Variants in CNTNAP4 observed in about 807,000 individuals in gnomAD.
CNTNAP4 encodes the protein contactin-associated protein-like 4.
CNTNAP4 carries 98 observed loss-of-function variants against 148.4 expected under a neutral mutation model. The ratio of observed to expected loss-of-function variants is 0.66; its 90% confidence interval spans 0.56 to 0.78. The LOEUF (loss-of-function observed/expected upper bound fraction) is 0.78. CNTNAP4 is among the 30% of genes least tolerant of loss of function. The pLI is 0.00. For missense variants in CNTNAP4, 1,935 were observed against 1,565.6 expected, an observed-to-expected ratio of 1.24 and a Z score of -3.98; for synonymous variants, 730 against 565.1, an observed-to-expected ratio of 1.29 and a Z score of -4.14.
intron 3 of CNTNAP4, among the ~76,000 whole-genome samples, chr16:76,374,076 G>A (rs1319069105): frequency 6.6e-6 from 1 of 152,062 alleles, no homozygotes; most frequent in East Asian, 1.9e-4. Flanking sequence ...TTCATTTTGG[G>A]TTGCTTCATG....
rs9935637 is a variant in CNTNAP4, at chr16:76,435,833, C to T, written c.538+8234C>T. On this transcript the variant is annotated intron_variant, in intron 4 of 23. Coordinates refer to ENST00000611870, the MANE Select transcript of CNTNAP4 (RefSeq NM_033401.5). ...TTTTTTAAAACTCCCTAAGCTGCAA[C>T]GTTAAATGCAGAATACCTACTTAGT... Among the ~76,000 whole-genome samples, 12 of 151,940 alleles carry T rather than the reference C, an allele frequency of 7.9e-5. No individual in the cohort carries two copies. The East Asian group carries it at 1.6e-3, about 20-fold the overall frequency.
At chr16:76,473,067 T>C (rs2081431616) in intron 10 of CNTNAP4, among the ~76,000 whole-genome samples, 1 of 152,220 alleles carries the variant, frequency 6.6e-6, no homozygotes, top group South Asian at 2.1e-4. Flanking sequence ...GAATTTTTAT[T>C]GTTTTAATAT....
At chr16:76,546,176 G>A (rs1373523772) in intron 21 of CNTNAP4, among the ~76,000 whole-genome samples, 3 of 152,220 alleles carry the variant, frequency 2.0e-5, no homozygotes, top group Non-Finnish European at 2.9e-5. Context: ...GGGATTGGCT[G>A]GGGTGTGAAC....
At chr16:76,426,628 A>C (rs2079415414) in intron 3 of CNTNAP4, among the ~76,000 whole-genome samples, 1 of 152,160 alleles carries the variant, frequency 6.6e-6, no homozygotes, top group South Asian at 2.1e-4. Flanking sequence ...CAGGTAAGCT[A>C]CCTATTATGT....
intron 15 of CNTNAP4, among the ~76,000 whole-genome samples, chr16:76,520,127 G>A (rs2083399537): frequency 6.6e-6 from 1 of 152,130 alleles, no homozygotes; most frequent in Non-Finnish European, 1.5e-5. Flanking sequence ...TAAAACTAAA[G>A]ATGTATATTC....
At chr16:76,348,913 A>C (rs1416911832) in intron 2 of CNTNAP4, among the ~76,000 whole-genome samples, 16 of 152,276 alleles carry the variant, frequency 1.1e-4, no homozygotes, top group Admixed American at 1.0e-3. Context: ...AAATGAGAAA[A>C]ATAAGAGCAT....
chr16:76,389,219 T>G (rs1410392501), intron 3 of CNTNAP4, among the ~76,000 whole-genome samples: 2 of 152,190 alleles, frequency 1.3e-5, no homozygotes, highest in Non-Finnish European at 2.9e-5. Context: ...GCTCAGGCAA[T>G]GCAAATGGTT....
intron 1 of CNTNAP4, among the ~76,000 whole-genome samples, chr16:76,299,884 C>T (rs1032751943): frequency 6.6e-6 from 1 of 152,068 alleles, no homozygotes; most frequent in South Asian, 2.1e-4. Flanking sequence ...TATCAGCAAA[C>T]TATCACAAGG....
At position 76,427,506 on chromosome 16, in the gene CNTNAP4, T is replaced by G; in HGVS notation, c.445T>G (p.Ser149Ala). ...TGTTGTGTACTATAGACTCCAGCCT[T>G]CTATCAAAGCCAGATTTCTGCGCTT... Reference protein sequence around the residue: ...DSVVYYRLQPSIKARFLRFIP... With the variant: ...DSVVYYRLQPAIKARFLRFIP... Residue 149 changes from serine (S) to alanine (A), a missense_variant, in exon 4 of 24, where the codon TCT becomes GCT. Ser to Ala is a moderately conservative substitution (Grantham distance 99, BLOSUM62 1). Coordinates refer to ENST00000611870, the MANE Select transcript of CNTNAP4 (RefSeq NM_033401.5). The G allele has an allele frequency of 6.2e-7, 1 of 1,613,422 alleles. No homozygotes were observed. The highest frequency in any genetic ancestry group is 8.5e-7 in the Non-Finnish European group (1 of 1,179,524).
At chr16:76,451,990 G>T (rs1034988215) in intron 7 of CNTNAP4, among the ~76,000 whole-genome samples, 3 of 151,560 alleles carry the variant, frequency 2.0e-5, no homozygotes, top group Admixed American at 6.6e-5. Context: ...AATATCACAT[G>T]TGCCTCATAA....
At chr16:76,350,396 T>C (rs1292768039) in intron 2 of CNTNAP4, among the ~76,000 whole-genome samples, 1 of 152,208 alleles carries the variant, frequency 6.6e-6, no homozygotes, top group Non-Finnish European at 1.5e-5. Flanking sequence ...CTAGATAATT[T>C]TAATAATTAA....
intron 2 of CNTNAP4, among the ~76,000 whole-genome samples, chr16:76,346,612 G>A (rs1964923546): frequency 6.6e-6 from 1 of 152,070 alleles, no homozygotes; most frequent in African/African-American, 2.4e-5. Flanking sequence ...AGCAAAACAT[G>A]GGCAGATCCT....
chr16:76,533,444 A>C (rs539187906), intron 17 of CNTNAP4, among the ~76,000 whole-genome samples: 6 of 152,326 alleles, frequency 3.9e-5, no homozygotes, highest in African/African-American at 1.2e-4. Flanking sequence ...TATAGTTTAC[A>C]ATAATATGTA....
chr16:76,350,486 C>A (rs922470207), intron 2 of CNTNAP4, among the ~76,000 whole-genome samples: 2 of 152,066 alleles, frequency 1.3e-5, no homozygotes, highest in South Asian at 2.1e-4. Flanking sequence ...GCTTTTCTTA[C>A]AATTCATAGC....
chr16:76,396,689 C>T (rs1367875467), intron 3 of CNTNAP4, among the ~76,000 whole-genome samples: 1 of 152,138 alleles, frequency 6.6e-6, no homozygotes, highest in African/African-American at 2.4e-5. Flanking sequence ...AGGAGCTGCT[C>T]CCATCTTTGT....
At chr16:76,497,406 A>G (rs72799038) in intron 14 of CNTNAP4, among the ~76,000 whole-genome samples, 2,591 of 152,308 alleles carry the variant, frequency 0.017, 38 homozygotes, top group Non-Finnish European at 0.028. Context: ...CAATAAATAT[A>G]GCTAAAATGT....
At chr16:76,319,319 G>C (rs1045366795) in intron 2 of CNTNAP4, among the ~76,000 whole-genome samples, 2 of 152,054 alleles carry the variant, frequency 1.3e-5, no homozygotes, top group Admixed American at 6.6e-5. Flanking sequence ...TTGAACCCAG[G>C]GGGTGCAGGT....
chr16:76,330,667 C>G (rs1379451565), intron 2 of CNTNAP4, among the ~76,000 whole-genome samples: 1 of 152,150 alleles, frequency 6.6e-6, no homozygotes, highest in South Asian at 2.1e-4. Context: ...TTAGCTAGCC[C>G]GTCTTTGCTT....
chr16:76,399,429 T>C (rs1337137811), intron 3 of CNTNAP4, among the ~76,000 whole-genome samples: 1 of 152,196 alleles, frequency 6.6e-6, no homozygotes, highest in Non-Finnish European at 1.5e-5. Flanking sequence ...ATTAAAAATA[T>C]TGTTTCTCAA....
Sources: allele counts gnomAD v4.1 joint callset (sites outside exome capture counted in the v4.1 genomes callset), GRCh38; gene constraint gnomAD v4.1.1; transcripts MANE v1.5; gene names NCBI Gene and HGNC (gene_info 2026-07-23, HGNC 2026-07-21).